Variants in GRXCR1 observed in about 807,000 individuals in gnomAD.
The protein encoded by GRXCR1 is glutaredoxin and cysteine rich domain containing 1, also known as glutaredoxin domain-containing cysteine-rich protein 1.
In GRXCR1, 27 loss-of-function variants were observed where a neutral mutation model predicts 27.3. The observed-to-expected ratio is 0.99, with a 90% CI of 0.73 to 1.37. GRXCR1 has a LOEUF of 1.37. GRXCR1 is among the 40% of genes most tolerant of loss of function. The pLI is 0.00. For missense variants in GRXCR1, 379 were observed against 354.4 expected (o/e 1.07, Z -0.56); for synonymous variants, 122 against 131.1 (o/e 0.93, Z 0.47).
chr4:43,025,930 C>G (rs1369050597), intron 3 of GRXCR1, among the ~76,000 whole-genome samples: 1 of 147,850 alleles, frequency 6.8e-6, no homozygotes, highest in East Asian at 2.0e-4. Flanking sequence ...GAGCTGAGAT[C>G]GTGCCACTGC....
At chr4:42,951,897 T>C (rs915509362) in intron 1 of GRXCR1, among the ~76,000 whole-genome samples, 5 of 152,216 alleles carry the variant, frequency 3.3e-5, no homozygotes, top group African/African-American at 1.2e-4. Flanking sequence ...GAAGATTTAT[T>C]GGGTTCATTG....
intron 1 of GRXCR1, among the ~76,000 whole-genome samples, chr4:42,903,527 T>C (rs569107234): frequency 8.8e-5 from 13 of 147,286 alleles, no homozygotes; most frequent in East Asian, 4.7e-4. Flanking sequence ...TTAGCCAGGA[T>C]GGTCTCTATC....
At position 43,030,355 on chromosome 4, in the gene GRXCR1, A is replaced by C; in HGVS notation, c.694-6A>C. ...TTTTCTCTTGTTCCCCTGCCACCTT[A>C]TACAGAGAGTACAGCATCCACATGA... On this transcript the variant is annotated splice_region_variant and splice_polypyrimidine_tract_variant and intron_variant, in intron 3 of 3. Transcript: ENST00000399770. 1.9e-6 allele frequency: 3 copies of C among 1,613,230 alleles called. No homozygotes were observed. Among genetic ancestry groups the C allele is most frequent in the Non-Finnish European group, 2.5e-6 (3 of 1,179,854 alleles).
At chr4:42,939,168 C>T (rs996176746) in intron 1 of GRXCR1, among the ~76,000 whole-genome samples, 2 of 151,988 alleles carry the variant, frequency 1.3e-5, no homozygotes, top group African/African-American at 2.4e-5. Flanking sequence ...TGTGTGTCCT[C>T]TTCAATTTCT....
At chr4:42,984,180 C>G (rs1438286963) in intron 2 of GRXCR1, among the ~76,000 whole-genome samples, 1 of 152,184 alleles carries the variant, frequency 6.6e-6, no homozygotes, top group East Asian at 1.9e-4. Flanking sequence ...ATTAATGCCT[C>G]TATCGCATTT....
intron 2 of GRXCR1, among the ~76,000 whole-genome samples, chr4:43,003,275 C>G (rs1712439083): frequency 6.6e-6 from 1 of 151,922 alleles, no homozygotes; most frequent in South Asian, 2.1e-4. Flanking sequence ...GCACATTGTG[C>G]ACATGTACCC....
intron 2 of GRXCR1, among the ~76,000 whole-genome samples, chr4:42,999,663 A>G (rs1290171538): frequency 6.6e-6 from 1 of 152,070 alleles, no homozygotes; most frequent in Non-Finnish European, 1.5e-5. Flanking sequence ...CATAATTCAG[A>G]TTTTTTCCTT....
intron 2 of GRXCR1, among the ~76,000 whole-genome samples, chr4:42,967,277 T>TCTAG (rs1419383887): frequency 6.6e-6 from 1 of 152,116 alleles, no homozygotes; most frequent in Admixed American, 6.6e-5. Context: ...GCTCAGTTGT[T>TCTAG]CTAGGCCCCT....
chr4:42,996,235 G>A (rs1358851172), intron 2 of GRXCR1, among the ~76,000 whole-genome samples: 1 of 152,166 alleles, frequency 6.6e-6, no homozygotes, highest in Non-Finnish European at 1.5e-5. Context: ...TAGTGCTACA[G>A]AAATCTATCT....
At chr4:42,955,919 C>T (rs1307269844) in intron 1 of GRXCR1, among the ~76,000 whole-genome samples, 3 of 152,036 alleles carry the variant, frequency 2.0e-5, no homozygotes, top group Admixed American at 1.3e-4. Flanking sequence ...CTGCTCCGTG[C>T]TGATCTTCTG....
At chr4:43,019,284 CA>C (rs1346535781) in intron 2 of GRXCR1, among the ~76,000 whole-genome samples, 3 of 151,932 alleles carry the variant, frequency 2.0e-5, no homozygotes, top group African/African-American at 7.2e-5. Context: ...TGTGCATTTA[CA>C]AAAAAATACA....
rs140022577 is a variant in GRXCR1, at chr4:43,017,603, A to T, written c.628-2751A>T. On this transcript the variant is annotated intron_variant, in intron 2 of 3. Transcript: ENST00000399770. ...AGGATTATATTAATTTTAAGAAAAA[A>T]TCGATTCTGAACCAATTAAAAATAT... Among the ~76,000 whole-genome samples, 175 of 152,336 alleles carry T rather than the reference A, an allele frequency of 1.1e-3. 1 individual carries two copies. The highest frequency in any genetic ancestry group is 4.1e-3 in the African/African-American group (171 of 41,580).
rs139173031 is a variant in GRXCR1, at chr4:42,902,421, G to A, written c.384+8771G>A. On this transcript the variant is annotated intron_variant, in intron 1 of 3. Transcript: ENST00000399770. ...CTGCATTAATTTGCTGAGGATAATG[G>A]CTTCCAACTCCATCCATGTCCCTGC... Among the ~76,000 whole-genome samples, 14 of 152,228 alleles carry A rather than the reference G, an allele frequency of 9.2e-5. No individual in the cohort carries two copies. In the East Asian group the frequency reaches 2.3e-3, roughly 25 times the overall value.
intron 3 of GRXCR1, among the ~76,000 whole-genome samples, chr4:43,026,894 T>C (rs1432006096): frequency 6.6e-6 from 1 of 152,182 alleles, no homozygotes; most frequent in East Asian, 1.9e-4. Context: ...AGCTAATTTT[T>C]CCTGAGAATG....
intron 2 of GRXCR1, among the ~76,000 whole-genome samples, chr4:42,980,332 G>T (rs1748627713): frequency 6.6e-6 from 1 of 151,732 alleles, no homozygotes; most frequent in Non-Finnish European, 1.5e-5. Flanking sequence ...GTTTTGGTAT[G>T]TAGTGTTTCC....
chr4:42,990,797 G>A (rs1711947671), intron 2 of GRXCR1, among the ~76,000 whole-genome samples: 1 of 151,810 alleles, frequency 6.6e-6, no homozygotes, highest in Non-Finnish European at 1.5e-5. Context: ...AATGTTCATG[G>A]CTCTTTGGAA....
At chr4:42,955,631 G>A (rs181245372) in intron 1 of GRXCR1, among the ~76,000 whole-genome samples, 1 of 152,266 alleles carries the variant, frequency 6.6e-6, no homozygotes, top group East Asian at 1.9e-4. Flanking sequence ...GCAACACTAT[G>A]TAAGTTATTG....
intron 2 of GRXCR1, among the ~76,000 whole-genome samples, chr4:43,012,302 C>T (rs865941804): frequency 1.4e-3 from 211 of 152,238 alleles, no homozygotes; most frequent in Non-Finnish European, 1.2e-3. Context: ...TTCATGCTAC[C>T]TTTTCATTTT....
Position 42,920,855 on chromosome 4 carries a change from G to T in GRXCR1, c.384+27205G>T, listed in dbSNP as rs978774073. 5.9e-5 allele frequency among the ~76,000 whole-genome samples: 9 copies of T among 151,638 alleles called. No individual in the cohort carries two copies. In the East Asian group the frequency reaches 7.8e-4, roughly 13 times the overall value. ...AATAGTTCTTCCCTCTGGTTTTTTT[G>T]ATTTTCTTTAGTAAGTAGAGTCCAG... On this transcript the variant is annotated intron_variant, in intron 1 of 3. Coordinates refer to ENST00000399770, the MANE Select transcript of GRXCR1 (RefSeq NM_001080476.3).
Sources: allele counts gnomAD v4.1 joint callset (sites outside exome capture counted in the v4.1 genomes callset), GRCh38; gene constraint gnomAD v4.1.1; transcripts MANE v1.5; gene names NCBI Gene and HGNC (gene_info 2026-07-23, HGNC 2026-07-21).